The following ANKRD36 variants were observed in gnomAD, a reference collection of about 807,000 sequenced individuals.
The protein encoded by ANKRD36 is ankyrin repeat domain-containing protein 36A.
Under a neutral mutation model 278.1 loss-of-function variants are expected in ANKRD36, and 179 were observed. The ratio of observed to expected loss-of-function variants is 0.64; its 90% CI spans 0.57 to 0.73. The LOEUF (loss-of-function observed/expected upper bound fraction) is 0.73. Among genes scored for constraint, ANKRD36 ranks in the 30% least tolerant of loss-of-function variants. The pLI is 0.00. For synonymous variants in ANKRD36, 320 were observed against 641.1 expected, an observed-to-expected ratio of 0.50 and a Z score of 7.57; for missense variants, 1,159 against 1,956.7, an observed-to-expected ratio of 0.59 and a Z score of 7.69.
Position 97,143,341 on chromosome 2 carries a change from G to A in ANKRD36, c.901+506G>A, listed in dbSNP as rs550310508. Among the ~76,000 whole-genome samples the A allele has an allele frequency of 2.0e-5, 3 of 152,038 alleles. No homozygotes were observed. In the East Asian group the frequency reaches 5.8e-4, roughly 29 times the overall value. ...AGAAGATGTTATTTATGTAATTTTG[G>A]GGTTTCTGCTGCAGAAACCTGATGG... On this transcript the variant is annotated intron_variant, in intron 8 of 75. Transcript: ENST00000420699.
At chr2:97,177,885 C>T (rs953770191) in intron 22 of ANKRD36, among the ~76,000 whole-genome samples, 1 of 151,618 alleles carries the variant, frequency 6.6e-6, no homozygotes, top group African/African-American at 2.4e-5. Flanking sequence ...TCAGAGTGAA[C>T]AGGCAACCTA....
intron 6 of ANKRD36, among the ~76,000 whole-genome samples, chr2:97,128,540 T>C (rs1275585148): frequency 6.6e-6 from 1 of 151,938 alleles, no homozygotes; most frequent in African/African-American, 2.4e-5. Context: ...TGTGGGCTAT[T>C]GATGTGATTG....
chr2:97,129,350 C>T (rs1356148004), intron 6 of ANKRD36, among the ~76,000 whole-genome samples: 1 of 151,828 alleles, frequency 6.6e-6, no homozygotes, highest in East Asian at 1.9e-4. Context: ...TGTTTGAGTT[C>T]TTTGTAGATT....
At chr2:97,240,372 AT>A (rs1374930647) in intron 68 of ANKRD36, among the ~76,000 whole-genome samples, 2 of 151,002 alleles carry the variant, frequency 1.3e-5, no homozygotes, top group African/African-American at 4.9e-5. Context: ...GTTTTTTTTT[AT>A]TTTATTTTTC....
chr2:97,123,613 T>TTATATATATA lies in ANKRD36; in HGVS notation c.593+635_593+644dup, dbSNP rs59057238. Among the ~76,000 whole-genome samples, 14 of 64,674 alleles carry TTATATATATA rather than the reference T, an allele frequency of 2.2e-4. 1 individual carries two copies. Among genetic ancestry groups the TTATATATATA allele is most frequent in the African/African-American group, 5.0e-4 (14 of 28,100 alleles). 42.4% of individuals were successfully genotyped at this position (64,674 alleles called of 152,430 possible). A position where few individuals can be genotyped will look rare whatever the true frequency, so the allele number is the denominator to read the frequency against. On this transcript the variant is annotated intron_variant, in intron 4 of 75. Transcript: ENST00000420699. ...CAAGGGTGGTTGTGTGTAAGTAACA[T>TTATATATATA]TATATATATATATATATATATATAA...
At chr2:97,146,919 AG>A (rs1460798567) in intron 11 of ANKRD36, among the ~76,000 whole-genome samples, 2 of 151,928 alleles carry the variant, frequency 1.3e-5, no homozygotes, top group African/African-American at 4.8e-5. Flanking sequence ...AACTCTCTTT[AG>A]AGTATTTCTT....
intron 60 of ANKRD36, among the ~76,000 whole-genome samples, chr2:97,214,885 A>G (rs2065524443): frequency 6.6e-6 from 1 of 151,106 alleles, no homozygotes; most frequent in Non-Finnish European, 1.5e-5. Context: ...AGCATGTTGA[A>G]TGTTTGCAGT....
chr2:97,200,784 G>A (rs1321533449), intron 46 of ANKRD36, among the ~76,000 whole-genome samples: 2 of 151,864 alleles, frequency 1.3e-5, no homozygotes, highest in African/African-American at 4.8e-5. Flanking sequence ...GGGCTCTGGG[G>A]CCCAGCATAA....
rs755514703 is a variant in ANKRD36, at chr2:97,243,918, A to G, written c.4380A>G (p.Leu1460=). Residue 1460 remains leucine (L), a synonymous_variant, in exon 70 of 76, where the codon TTA becomes TTG. Coordinates refer to ENST00000420699, the MANE Select transcript of ANKRD36 (RefSeq NM_001354587.1). Reference sequence around the variant, plus strand: ...TGCACCAAAAAGTTAGGGAAAAGTTAAGAATAACAGAAGAGCAATATAGGA... The same window carrying G: ...TGCACCAAAAAGTTAGGGAAAAGTTGAGAATAACAGAAGAGCAATATAGGA... The part of the protein sequence containing the change: ...EEVHQKVREK[L]RITEEQYRIE... 6.8e-6 allele frequency: 11 copies of G among 1,606,034 alleles called. No homozygotes were observed. The South Asian group carries it at 1.1e-4, about 16-fold the overall frequency.
chr2:97,161,467 C>T (rs1182441611), intron 17 of ANKRD36, among the ~76,000 whole-genome samples: 1 of 151,942 alleles, frequency 6.6e-6, no homozygotes, highest in Non-Finnish European at 1.5e-5. Flanking sequence ...TTGGAATGTT[C>T]GTTTTTGTTT....
intron 17 of ANKRD36, among the ~76,000 whole-genome samples, chr2:97,159,128 ATC>A (rs2048227507): frequency 6.6e-6 from 1 of 152,032 alleles, no homozygotes; most frequent in South Asian, 2.1e-4. Flanking sequence ...ATGTCTCCAT[ATC>A]AAATTATAGA....
chr2:97,194,472 C>A (rs1406378281), intron 38 of ANKRD36, among the ~76,000 whole-genome samples: 2 of 151,464 alleles, frequency 1.3e-5, no homozygotes, highest in Non-Finnish European at 2.9e-5. Flanking sequence ...GGGATTGACA[C>A]GGTTTTATTT....
intron 28 of ANKRD36, among the ~76,000 whole-genome samples, chr2:97,184,470 G>GT (rs2056961114): frequency 6.6e-6 from 1 of 151,592 alleles, no homozygotes; most frequent in South Asian, 2.1e-4. Flanking sequence ...ATATTCCAGA[G>GT]TAGACTAATT....
rs1363827960 is a variant in ANKRD36 at position 97,206,065 on chromosome 2, T to C, written c.3093T>C (p.Ala1031=). ...ATTTTGTTTCAAATTCCATTCAGGCTACAAGTGATGAGGAAGATTCTGTTT... is the reference window on the plus strand; with the variant it reads ...ATTTTGTTTCAAATTCCATTCAGGCCACAAGTGATGAGGAAGATTCTGTTT... ...VSSQKPPTLK[A]TSDEEDSVLS... The change falls in exon 52 of 76, where the codon GCT becomes GCC. Residue 1031 remains alanine, a splice_region_variant and synonymous_variant. Coordinates refer to ENST00000420699, the MANE Select transcript of ANKRD36 (RefSeq NM_001354587.1). The C allele has an allele frequency of 6.4e-7, 1 of 1,551,032 alleles. No homozygotes were observed. The highest frequency in any genetic ancestry group is 8.7e-7 in the Non-Finnish European group (1 of 1,149,462).
chr2:97,243,246 A>C (rs1387127832), intron 69 of ANKRD36, among the ~76,000 whole-genome samples: 16 of 146,702 alleles, frequency 1.1e-4, no homozygotes, highest in Non-Finnish European at 1.7e-4. Context: ...TGTAAGAAAT[A>C]CATTGGTTTG....
In ANKRD36 at chr2:97,122,945, T is replaced by A; in HGVS notation, c.545T>A (p.Phe182Tyr). Residue 182 changes from phenylalanine to tyrosine, a missense_variant, in exon 4 of 76, where the codon TTT (phenylalanine) becomes TAT (tyrosine). By Grantham distance (22) the Phe-to-Tyr change is conservative. Transcript: ENST00000420699. ...VSRRKVKMVE[F>Y]LLKKKANVNA... ...CGAAGAAAAGTGAAAATGGTGGAAT[T>A]TTTATTAAAGAAAAAAGCAAATGTA... The A allele has an allele frequency of 6.5e-7, 1 of 1,545,118 alleles. No individual in the cohort carries two copies.
At chr2:97,138,004 G>C (rs998394991) in intron 6 of ANKRD36, among the ~76,000 whole-genome samples, 3 of 151,958 alleles carry the variant, frequency 2.0e-5, no homozygotes, top group African/African-American at 7.2e-5. Flanking sequence ...CTAGATATTA[G>C]GCCTTTTTCA....
At chr2:97,216,426 A>G (rs566864485) in intron 62 of ANKRD36, among the ~76,000 whole-genome samples, 624 of 152,020 alleles carry the variant, frequency 4.1e-3, no homozygotes, top group Non-Finnish European at 6.8e-3. Context: ...ACATATTAAT[A>G]TCTAACGCTT....
intron 20 of ANKRD36, among the ~76,000 whole-genome samples, chr2:97,165,969 G>T (rs1240707148): frequency 6.6e-6 from 1 of 152,066 alleles, no homozygotes. Context: ...GATTTCTGAA[G>T]ATGTTGCTGC....
Sources: allele counts gnomAD v4.1 joint callset (sites outside exome capture counted in the v4.1 genomes callset), GRCh38; gene constraint gnomAD v4.1.1; transcripts MANE v1.5; gene names NCBI Gene and HGNC (gene_info 2026-07-23, HGNC 2026-07-21).